Variants in TATDN1 observed in about 807,000 individuals in gnomAD.
The protein encoded by TATDN1 is deoxyribonuclease TATDN1.
TATDN1 carries 40 observed loss-of-function variants against 46.4 expected under a neutral mutation model. The ratio of observed to expected loss-of-function variants is 0.86; its 90% CI spans 0.67 to 1.12. The LOEUF is 1.12. Ranked by LOEUF, TATDN1 falls within the 50% of genes most tolerant of loss-of-function variation. TATDN1 has a pLI of 0.00. For missense variants in TATDN1, 326 were observed against 348.4 expected (o/e 0.94, Z 0.51); for synonymous variants, 95 against 105.6 (o/e 0.90, Z 0.62).
intron 11 of TATDN1, among the ~76,000 whole-genome samples, chr8:124,492,116 G>C (rs1438082887): frequency 1.3e-5 from 2 of 151,810 alleles, no homozygotes; most frequent in African/African-American, 4.8e-5. Context: ...CTGGCATTAC[G>C]GGCATCCGCC....
chr8:124,537,223 C>G (rs571045228), intron 1 of TATDN1, among the ~76,000 whole-genome samples: 2 of 152,232 alleles, frequency 1.3e-5, no homozygotes, highest in African/African-American at 4.8e-5. Flanking sequence ...AAATACCATA[C>G]CAGTATCTGC....
chr8:124,509,298 G>T (rs1291045664), intron 6 of TATDN1, among the ~76,000 whole-genome samples: 1 of 152,164 alleles, frequency 6.6e-6, no homozygotes, highest in East Asian at 1.9e-4. Flanking sequence ...TGTCAGAGAG[G>T]TGTAGTACTT....
At chr8:124,492,123 C>T (rs887633290) in intron 11 of TATDN1, among the ~76,000 whole-genome samples, 4 of 152,076 alleles carry the variant, frequency 2.6e-5, no homozygotes, top group Admixed American at 6.5e-5. Context: ...TACGGGCATC[C>T]GCCATGACGC....
At chr8:124,508,719 TA>T in intron 6 of TATDN1, 31 bp from the exon 7 acceptor site, 1 of 1,344,778 alleles carries the variant, frequency 7.4e-7, no homozygotes, top group Non-Finnish European at 1.0e-6. Flanking sequence ...AAATTCTCAT[TA>T]CAAATTGTAT....
intron 9 of TATDN1, among the ~76,000 whole-genome samples, chr8:124,502,143 G>C (rs1818020145): frequency 6.6e-6 from 1 of 152,102 alleles, no homozygotes. Flanking sequence ...GACCATCCCG[G>C]CTAACACAGT....
intron 11 of TATDN1, among the ~76,000 whole-genome samples, chr8:124,492,935 G>A (rs938412647): frequency 3.9e-5 from 6 of 152,094 alleles, no homozygotes; most frequent in Middle Eastern, 6.8e-3. Flanking sequence ...GAATACAGGC[G>A]CAGGCCACCA....
At chr8:124,536,946 T>C (rs998205027) in intron 1 of TATDN1, among the ~76,000 whole-genome samples, 3 of 152,108 alleles carry the variant, frequency 2.0e-5, no homozygotes, top group Non-Finnish European at 2.9e-5. Context: ...TATGAATCTG[T>C]ATAACAATCT....
intron 2 of TATDN1, 106 bp from the exon 3 acceptor site, chr8:124,522,306 T>G: frequency 2.7e-6 from 2 of 733,894 alleles, no homozygotes; most frequent in Non-Finnish European, 4.8e-6. Context: ...TTTGAAATTA[T>G]AAACTTCTAC....
intron 9 of TATDN1, chr8:124,503,966 T>G: frequency 7.6e-7 from 1 of 1,308,556 alleles, no homozygotes; most frequent in Non-Finnish European, 1.0e-6. Context: ...GAACACATGT[T>G]TTCAAGGGAT....
chr8:124,517,119 T>C (rs751582134), intron 4 of TATDN1, among the ~76,000 whole-genome samples: 5 of 152,196 alleles, frequency 3.3e-5, no homozygotes, highest in Non-Finnish European at 7.4e-5. Flanking sequence ...AGATAGTCTA[T>C]CTTTAATCAC....
chr8:124,527,646 G>A (rs1353368183), intron 1 of TATDN1, among the ~76,000 whole-genome samples: 1 of 152,070 alleles, frequency 6.6e-6, no homozygotes, highest in Non-Finnish European at 1.5e-5. Flanking sequence ...CCAAGGTAGT[G>A]TCCATTCAGT....
intron 11 of TATDN1, among the ~76,000 whole-genome samples, chr8:124,492,435 G>T (rs1207991779): frequency 3.3e-5 from 5 of 152,160 alleles, no homozygotes; most frequent in Admixed American, 3.3e-4. Flanking sequence ...TAAGCTGGCT[G>T]CTGTCAAAAT....
In TATDN1 at chr8:124,504,361, G is replaced by A. The variant is rs72713074; in HGVS notation, c.517-14C>T. Reference sequence around the variant, plus strand: ...AAATGAATGCACCTGGGGACATACAGGTATAAGTTTATTATTATAATAATT... The same window carrying A: ...AAATGAATGCACCTGGGGACATACAAGTATAAGTTTATTATTATAATAATT... On this transcript the variant is annotated splice_polypyrimidine_tract_variant and intron_variant, in intron 8 of 11. Transcript: ENST00000276692. 6.5e-7 allele frequency: 1 copy of A among 1,529,472 alleles called. No individual in the cohort carries two copies. Among genetic ancestry groups the A allele is most frequent in the Non-Finnish European group, 8.8e-7 (1 of 1,134,704 alleles). 94.7% of individuals were successfully genotyped at this position (1,529,472 alleles called of 1,614,324 possible).
intron 1 of TATDN1, among the ~76,000 whole-genome samples, chr8:124,531,522 T>C (rs139069245): frequency 1.3e-5 from 2 of 152,292 alleles, no homozygotes; most frequent in East Asian, 1.9e-4. Flanking sequence ...TGGAATTCAG[T>C]GGGAACACCC....
At chr8:124,494,053 G>A (rs1259787180) in intron 10 of TATDN1, 94 bp from the exon 11 acceptor site, 9 of 1,222,414 alleles carry the variant, frequency 7.4e-6, no homozygotes, top group South Asian at 5.8e-5. Flanking sequence ...ATGATAAACC[G>A]TGATTCAGCT....
At chr8:124,497,199 G>A (rs1363863858) in intron 9 of TATDN1, among the ~76,000 whole-genome samples, 1 of 152,086 alleles carries the variant, frequency 6.6e-6, no homozygotes, top group African/African-American at 2.4e-5. Flanking sequence ...TGTTCACGCT[G>A]TGGAGTGCCC....
chr8:124,538,910 G>T, intron 1 of TATDN1, 115 bp downstream of exon 1: 1 of 1,245,798 alleles, frequency 8.0e-7, no homozygotes, highest in Non-Finnish European at 1.2e-6. Context: ...TCCACTGAGC[G>T]GCCCTTTCAA....
At chr8:124,532,188 C>T (rs1223949902) in intron 1 of TATDN1, among the ~76,000 whole-genome samples, 5 of 152,146 alleles carry the variant, frequency 3.3e-5, no homozygotes, top group African/African-American at 7.2e-5. Context: ...TGGTTGCCTT[C>T]GCTGTCTTCT....
intron 9 of TATDN1, among the ~76,000 whole-genome samples, chr8:124,497,119 T>C (rs1432959821): frequency 1.3e-5 from 2 of 152,188 alleles, no homozygotes; most frequent in South Asian, 2.1e-4. Flanking sequence ...CATTGTCTTC[T>C]GAAGTCTCAA....
Sources: allele counts gnomAD v4.1 joint callset (sites outside exome capture counted in the v4.1 genomes callset), GRCh38; gene constraint gnomAD v4.1.1; transcripts MANE v1.5; gene names NCBI Gene and HGNC (gene_info 2026-07-23, HGNC 2026-07-21).